CADM1: variants seen among roughly 807,000 people sequenced by gnomAD.
CADM1 encodes the protein cell adhesion molecule 1, also known as TSLC-1.
A neutral mutation model predicts 53.1 loss-of-function variants in CADM1; 15 were observed. That is an observed-to-expected ratio of 0.28 (90% confidence interval 0.19 to 0.44). CADM1 has a LOEUF of 0.44. CADM1 is among the 20% of genes least tolerant of loss of function. The pLI, the probability that CADM1 is intolerant of heterozygous loss-of-function variation, is 1.00. For missense variants in CADM1, 434 were observed against 611.3 expected, an observed-to-expected ratio of 0.71 and a Z score of 3.06; for synonymous variants, 281 against 243.0, an observed-to-expected ratio of 1.16 and a Z score of -1.45.
In CADM1 at chr11:115,412,228, C is replaced by G. The variant is rs1947475923; in HGVS notation, c.124+92043G>C. On this transcript the variant is annotated intron_variant, in intron 1 of 11. Coordinates refer to ENST00000331581, the MANE Select transcript of CADM1 (RefSeq NM_001301043.2). Reference sequence around the variant, plus strand: ...CTGCTTTTGAGAACAGAATTTCACTCTGTTGCCCAGGTTGGAGTGCAGTGG... The same window carrying G: ...CTGCTTTTGAGAACAGAATTTCACTGTGTTGCCCAGGTTGGAGTGCAGTGG... 1.3e-5 allele frequency among the ~76,000 whole-genome samples: 2 copies of G among 151,700 alleles called. 1 individual carries two copies. Among genetic ancestry groups the G allele is most frequent in the Admixed American group, 1.3e-4 (2 of 15,258 alleles).
chr11:115,262,111 T>G (rs1182427552), intron 1 of CADM1, among the ~76,000 whole-genome samples: 1 of 151,892 alleles, frequency 6.6e-6, no homozygotes. Context: ...CACAGCAGCA[T>G]GTATATATTT....
At chr11:115,340,626 T>TTATATATATATATATATATATA (rs869156485) in intron 1 of CADM1, among the ~76,000 whole-genome samples, 2 of 48,248 alleles carry the variant, frequency 4.1e-5, no homozygotes, top group African/African-American at 9.5e-5. Flanking sequence ...ATAATAAATA[T>TTATATATATATATATATATATA]TATATATATA....
chr11:115,190,928 C>A lies in CADM1; in HGVS notation c.1125G>T (p.Leu375Phe), dbSNP rs576653617. Residue 375 changes from leucine to phenylalanine, a missense_variant, in exon 10 of 12, where the codon TTG becomes TTT. By Grantham distance (22) the Leu-to-Phe change is conservative. Around this residue, in one of 4 missense-constraint regions of CADM1, gnomAD observed 311 missense variants for 435.1 expected, o/e 0.71. Transcript: ENST00000331581. ...TEPAVHGLTQ[L>F]PNSAEELDSE... ...TGTCCAGTTCTTCTGCGGAATTGGG[C>A]AACTGAGTAAGGCCTTACAAGTAAA... 22 of 1,593,860 alleles carry A rather than the reference C, an allele frequency of 1.4e-5. No homozygotes were observed. The South Asian group carries it at 2.3e-4, about 17-fold the overall frequency.
intron 1 of CADM1, among the ~76,000 whole-genome samples, chr11:115,381,250 C>T (rs977488709): frequency 2.0e-5 from 3 of 150,082 alleles, no homozygotes; most frequent in South Asian, 2.1e-4. Flanking sequence ...GCCGAGATGG[C>T]GCCACTGCAC....
At chr11:115,489,306 A>G (rs1949442153) in intron 1 of CADM1, among the ~76,000 whole-genome samples, 1 of 152,210 alleles carries the variant, frequency 6.6e-6, no homozygotes, top group African/African-American at 2.4e-5. Flanking sequence ...TGGGAGAACA[A>G]ACAACTTCAA....
At chr11:115,408,843 A>G (rs998154692) in intron 1 of CADM1, among the ~76,000 whole-genome samples, 8 of 152,214 alleles carry the variant, frequency 5.3e-5, no homozygotes, top group African/African-American at 1.9e-4. Context: ...TACATTTTTG[A>G]TAGTGTTCCA....
In CADM1 at chr11:115,174,273, T is replaced by TTTTG. The variant is rs1938914045; in HGVS notation, c.*2200_*2201insCAAA. ...TCTGTGAGCAATGGTGTGATTTTTTTTTTTTGTTTTTGTTTTTGTTTTTCT... is the reference window on the plus strand; with the variant it reads ...TCTGTGAGCAATGGTGTGATTTTTTTTTTGTTTTTGTTTTTGTTTTTGTTTTTCT... On this transcript the variant is annotated 3_prime_UTR_variant, in exon 12 of 12. Coordinates refer to ENST00000331581, the MANE Select transcript of CADM1 (RefSeq NM_001301043.2). The TTTTG allele has an allele frequency of 1.8e-6, 1 of 569,608 alleles. No individual in the cohort carries two copies. Among genetic ancestry groups the TTTTG allele is most frequent in the African/African-American group, 2.1e-5 (1 of 48,538 alleles). The allele number at this position is 569,608 out of a possible 1,614,324, so 35.3% of individuals were successfully genotyped here. A position where few individuals can be genotyped will look rare whatever the true frequency, so the allele number is the denominator to read the frequency against.
rs976555799 is a variant in CADM1, at chr11:115,334,614, A to G, written c.125-94194T>C. 5.3e-5 allele frequency among the ~76,000 whole-genome samples: 8 copies of G among 152,250 alleles called. No individual in the cohort carries two copies. The East Asian group carries it at 1.5e-3, about 29-fold the overall frequency. ...AGCTTTATCATAGGTATGTATGTATAGGGAAAATAGTCTGTATAGGGTTCA... is the reference window on the plus strand; with the variant it reads ...AGCTTTATCATAGGTATGTATGTATGGGGAAAATAGTCTGTATAGGGTTCA... On this transcript the variant is annotated intron_variant, in intron 1 of 11. Transcript: ENST00000331581.
intron 1 of CADM1, among the ~76,000 whole-genome samples, chr11:115,259,455 G>A (rs1419204386): frequency 2.0e-5 from 3 of 151,224 alleles, no homozygotes; most frequent in African/African-American, 7.3e-5. Flanking sequence ...ACAGGCACAC[G>A]CCACCACCCC....
At chr11:115,259,290 C>CTTTTTTTTTT (rs71066411) in intron 1 of CADM1, among the ~76,000 whole-genome samples, 8 of 55,056 alleles carry the variant, frequency 1.5e-4, no homozygotes, top group Non-Finnish European at 1.9e-4. Context: ...CCAGTCTTAA[C>CTTTTTTTTTT]TTTTTTTTTT....
intron 1 of CADM1, among the ~76,000 whole-genome samples, chr11:115,374,703 A>C (rs777001683): frequency 1.5e-4 from 23 of 152,206 alleles, no homozygotes; most frequent in Non-Finnish European, 3.4e-4. Context: ...TTTGACTAAT[A>C]AGAAATAAAA....
chr11:115,194,547 T>C (rs942640747), intron 9 of CADM1, among the ~76,000 whole-genome samples: 2 of 152,130 alleles, frequency 1.3e-5, no homozygotes, highest in Non-Finnish European at 2.9e-5. Context: ...TTAAGAACAA[T>C]TTAAAAACTC....
chr11:115,345,265 G>A (rs1415828175), intron 1 of CADM1, among the ~76,000 whole-genome samples: 1 of 152,140 alleles, frequency 6.6e-6, no homozygotes, highest in Admixed American at 6.5e-5. Context: ...TAAACCAAGG[G>A]CAGAACTAAT....
chr11:115,175,599 C>T lies in CADM1; in HGVS notation c.*875G>A, dbSNP rs1260129145. The T allele has an allele frequency of 6.1e-6, 6 of 985,406 alleles. No individual in the cohort carries two copies. The African/African-American group carries it at 1.0e-4, about 17-fold the overall frequency. The allele number at this position is 985,406 out of a possible 1,614,324, so 61.0% of individuals were successfully genotyped here. On this transcript the variant is annotated 3_prime_UTR_variant, in exon 12 of 12. Coordinates refer to ENST00000331581, the MANE Select transcript of CADM1 (RefSeq NM_001301043.2). ...TATAAAAGGAACAGACCTCACCTGT[C>T]AGGTCTGTTTAGGGCATGGAAAAAG... is the stretch of plus-strand genomic sequence containing the variant.
chr11:115,287,740 T>A (rs961962298), intron 1 of CADM1, among the ~76,000 whole-genome samples: 1 of 152,168 alleles, frequency 6.6e-6, no homozygotes, highest in Non-Finnish European at 1.5e-5. Context: ...ATCAGAAAGG[T>A]TAACCTAACC....
At chr11:115,231,037 T>A (rs1307853828) in intron 4 of CADM1, among the ~76,000 whole-genome samples, 1 of 152,194 alleles carries the variant, frequency 6.6e-6, no homozygotes, top group Non-Finnish European at 1.5e-5. Context: ...AGAGACAGCC[T>A]GAGCTCAGGA....
At chr11:115,419,035 G>A (rs953772856) in intron 1 of CADM1, among the ~76,000 whole-genome samples, 10 of 152,170 alleles carry the variant, frequency 6.6e-5, no homozygotes, top group African/African-American at 2.2e-4. Context: ...GAAGACAGGT[G>A]ATGATCAATA....
At chr11:115,222,787 G>A (rs1941454489) in intron 5 of CADM1, among the ~76,000 whole-genome samples, 1 of 152,138 alleles carries the variant, frequency 6.6e-6, no homozygotes, top group Admixed American at 6.6e-5. Context: ...TGATCCCATG[G>A]TGTGGTGGCA....
At chr11:115,404,212 G>A (rs1947238868) in intron 1 of CADM1, among the ~76,000 whole-genome samples, 1 of 148,982 alleles carries the variant, frequency 6.7e-6, no homozygotes, top group Non-Finnish European at 1.5e-5. Flanking sequence ...TGTACTCCCA[G>A]ATACTTGGGA....
Sources: allele counts gnomAD v4.1 joint callset (sites outside exome capture counted in the v4.1 genomes callset), GRCh38; gene constraint gnomAD v4.1.1; regional missense constraint gnomAD v4.1.1; transcripts MANE v1.5; gene names NCBI Gene and HGNC (gene_info 2026-07-23, HGNC 2026-07-21).